HRH2: variants seen among roughly 807,000 people sequenced by gnomAD.
HRH2 encodes histamine H2 receptor.
A neutral mutation model predicts 20.1 loss-of-function variants in HRH2; 4 were observed. The observed-to-expected ratio is 0.20, with a 90% CI of 0.10 to 0.45. The LOEUF (loss-of-function observed/expected upper bound fraction) is 0.45, where lower values mean the gene tolerates loss of function less well. HRH2 is among the 20% of genes least tolerant of loss of function. The probability of loss-of-function intolerance (pLI) is 0.99; values close to 1 mark genes in which losing one functional copy is unlikely to be tolerated. For synonymous variants in HRH2, 197 were observed against 200.7 expected, an observed-to-expected ratio of 0.98 and a Z score of 0.16; for missense variants, 250 against 461.6, an observed-to-expected ratio of 0.54 and a Z score of 4.20.
At chr5:175,684,687 ATAGCACT>A (rs1756106254) in intron 2 of HRH2, among the ~76,000 whole-genome samples, 1 of 152,184 alleles carries the variant, frequency 6.6e-6, no homozygotes, top group Non-Finnish European at 1.5e-5. Context: ...CCCCTCCAGG[ATAGCACT>A]CAAGTAACCA....
At chr5:175,696,919 G>A (rs1363801065) in intron 2 of HRH2, among the ~76,000 whole-genome samples, 2 of 152,248 alleles carry the variant, frequency 1.3e-5, no homozygotes, top group Non-Finnish European at 2.9e-5. Flanking sequence ...GCGGATGGTG[G>A]CCTCCCGTGG....
At chr5:175,706,845 G>T (rs1756955337) in intron 2 of HRH2, among the ~76,000 whole-genome samples, 1 of 152,226 alleles carries the variant, frequency 6.6e-6, no homozygotes, top group Admixed American at 6.5e-5. Context: ...TCAGGTGGAC[G>T]CTAAAGGCAT....
At chr5:175,691,869 A>G (rs1756395416) in intron 2 of HRH2, among the ~76,000 whole-genome samples, 1 of 151,802 alleles carries the variant, frequency 6.6e-6, no homozygotes, top group Non-Finnish European at 1.5e-5. Context: ...ATCTCAAAAA[A>G]AAAAAGAAAA....
chr5:175,690,806 C>G (rs1235409995), intron 2 of HRH2, among the ~76,000 whole-genome samples: 1 of 152,232 alleles, frequency 6.6e-6, no homozygotes, highest in East Asian at 1.9e-4. Context: ...CACGCATCTG[C>G]TTTCGGCCTC....
At chr5:175,702,718 A>C (rs1370428523) in intron 2 of HRH2, among the ~76,000 whole-genome samples, 1 of 139,752 alleles carries the variant, frequency 7.2e-6, no homozygotes, top group Non-Finnish European at 1.5e-5. Context: ...CGCCTGGCTA[A>C]TTTTTTCTTT....
chr5:175,676,359 C>A (rs965028137), intron 1 of HRH2, among the ~76,000 whole-genome samples: 4 of 152,244 alleles, frequency 2.6e-5, no homozygotes, highest in Non-Finnish European at 4.4e-5. Flanking sequence ...TGCTTGCTAC[C>A]GCCCTCAGAG....
intron 2 of HRH2, among the ~76,000 whole-genome samples, chr5:175,685,217 A>G (rs1038542713): frequency 4.6e-5 from 7 of 152,196 alleles, no homozygotes; most frequent in Admixed American, 2.0e-4. Flanking sequence ...TTCACTGGTG[A>G]CAAAGCCAAT....
chr5:175,670,746 A>G (rs183220144), intron 1 of HRH2, among the ~76,000 whole-genome samples: 54 of 152,334 alleles, frequency 3.5e-4, no homozygotes, highest in Middle Eastern at 3.4e-3. Context: ...GAGAGTCTAC[A>G]TGATTAATCC....
intron 1 of HRH2, among the ~76,000 whole-genome samples, chr5:175,672,538 G>A (rs1043451592): frequency 1.3e-5 from 2 of 152,240 alleles, no homozygotes; most frequent in Non-Finnish European, 1.5e-5. Context: ...ATGGGATAAT[G>A]TACGTAAAAT....
intron 1 of HRH2, among the ~76,000 whole-genome samples, chr5:175,668,726 G>A (rs930748139): frequency 6.6e-6 from 1 of 152,148 alleles, no homozygotes; most frequent in South Asian, 2.1e-4. Flanking sequence ...CATTCTGCAG[G>A]CTGTCCAGGA....
Position 175,675,950 on chromosome 5 carries a change from C to T in HRH2, c.-525-6759C>T, listed in dbSNP as rs1011779884. On this transcript the variant is annotated intron_variant, in intron 1 of 2. Transcript: ENST00000636584. ...GCAGCCATCCCTACCCTCTCACTGC[C>T]GCCCTCCTGAGCCACTCCTTGACCA... Among the ~76,000 whole-genome samples the T allele has an allele frequency of 7.2e-5, 11 of 152,352 alleles. 2 individuals carry two copies. In the South Asian group the frequency reaches 2.3e-3, roughly 32 times the overall value.
At chr5:175,661,587 C>T (rs1184964971) in intron 1 of HRH2, among the ~76,000 whole-genome samples, 1 of 152,178 alleles carries the variant, frequency 6.6e-6, no homozygotes, top group Non-Finnish European at 1.5e-5. Flanking sequence ...CTGACAGATT[C>T]AATCAACCAA....
Position 175,683,213 on chromosome 5 carries a change from A to ACTGAGC in HRH2, c.-19_-14dup. On this transcript the variant is annotated 5_prime_UTR_variant, in exon 2 of 3. Coordinates refer to ENST00000636584, the MANE Select transcript of HRH2 (RefSeq NM_001367711.1). The stretch of plus-strand genomic sequence containing the variant: ...AGCAACCAGGGGCCCTGATCAGGGG[A>ACTGAGC]CTGAGCCGTAGAGTCCCAGGATGGC... 1 of 1,602,698 alleles carries ACTGAGC rather than the reference A, an allele frequency of 6.2e-7. No individual in the cohort carries two copies. Among genetic ancestry groups the ACTGAGC allele is most frequent in the Non-Finnish European group, 8.5e-7 (1 of 1,172,492 alleles).
At position 175,672,507 on chromosome 5, in the gene HRH2, T is replaced by C. The variant is rs138468803; in HGVS notation, c.-525-10202T>C. 4.3e-3 allele frequency among the ~76,000 whole-genome samples: 649 copies of C among 152,332 alleles called. 3 individuals are homozygous for C. Among genetic ancestry groups the C allele is most frequent in the Middle Eastern group, 0.031 (9 of 294 alleles). On this transcript the variant is annotated intron_variant, in intron 1 of 2. Transcript: ENST00000636584. ...GAGATGAATAGTGGTACCCACATAATAGGGTTGTTGAAGAGATTAAATGGG... is the reference window on the plus strand; with the variant it reads ...GAGATGAATAGTGGTACCCACATAACAGGGTTGTTGAAGAGATTAAATGGG...
chr5:175,674,714 A>G (rs894168580), intron 1 of HRH2, among the ~76,000 whole-genome samples: 3 of 152,104 alleles, frequency 2.0e-5, no homozygotes, highest in Non-Finnish European at 4.4e-5. Flanking sequence ...AGAAGCAAGA[A>G]CAAGTCATGC....
intron 2 of HRH2, chr5:175,685,471 TC>T: frequency 6.4e-7 from 1 of 1,551,244 alleles, no homozygotes; most frequent in Non-Finnish European, 8.7e-7. Flanking sequence ...ATTCATTTGT[TC>T]ATTCATTCAT....
chr5:175,680,122 C>A (rs2113511518), intron 1 of HRH2, among the ~76,000 whole-genome samples: 1 of 152,372 alleles, frequency 6.6e-6, no homozygotes, highest in South Asian at 2.1e-4. Context: ...CTTCCCCCTG[C>A]AGTTGGCAGC....
chr5:175,665,744 G>A (rs1762869515), intron 1 of HRH2, among the ~76,000 whole-genome samples: 1 of 152,134 alleles, frequency 6.6e-6, no homozygotes, highest in Non-Finnish European at 1.5e-5. Flanking sequence ...TGTCAACTGA[G>A]GCCAAGCTCT....
chr5:175,692,311 C>T (rs1048836258), intron 2 of HRH2, among the ~76,000 whole-genome samples: 19 of 152,210 alleles, frequency 1.2e-4, no homozygotes, highest in South Asian at 2.1e-4. Flanking sequence ...CACAGGGTCA[C>T]GAAATGTTAT....
Sources: allele counts gnomAD v4.1 joint callset (sites outside exome capture counted in the v4.1 genomes callset), GRCh38; gene constraint gnomAD v4.1.1; transcripts MANE v1.5; gene names NCBI Gene and HGNC (gene_info 2026-07-23, HGNC 2026-07-21).